The following ASIC2 variants were observed in gnomAD, a reference collection of about 807,000 sequenced individuals.
The protein encoded by ASIC2 is acid-sensing ion channel 2.
Under a neutral mutation model 57.3 loss-of-function variants are expected in ASIC2, and 25 were observed. That is an observed-to-expected ratio of 0.44 (90% CI 0.32 to 0.61). The LOEUF (loss-of-function observed/expected upper bound fraction) is 0.61. ASIC2 is among the 20% of genes least tolerant of loss of function. The pLI, the probability that ASIC2 is intolerant of heterozygous loss-of-function variation, is 0.06. For synonymous variants in ASIC2, 319 were observed against 307.5 expected (o/e 1.04, Z -0.39); for missense variants, 641 against 738.1 (o/e 0.87, Z 1.52).
At chr17:33,966,897 C>G (rs1256895292) in intron 1 of ASIC2, among the ~76,000 whole-genome samples, 1 of 152,152 alleles carries the variant, frequency 6.6e-6, no homozygotes, top group African/African-American at 2.4e-5. Context: ...CCATACAGGT[C>G]TCCATGACCC....
intron 1 of ASIC2, among the ~76,000 whole-genome samples, chr17:33,143,427 C>CACTAAATAA (rs1437972951): frequency 1.3e-5 from 2 of 152,178 alleles, no homozygotes; most frequent in African/African-American, 4.8e-5. Context: ...TACTATGTGC[C>CACTAAATAA]AGGTACCATG....
At chr17:34,089,130 G>A (rs140357300) in intron 1 of ASIC2, among the ~76,000 whole-genome samples, 3 of 152,158 alleles carry the variant, frequency 2.0e-5, no homozygotes, top group African/African-American at 4.8e-5. Flanking sequence ...CTTCTGCGTC[G>A]TTCATGCTGG....
intron 1 of ASIC2, among the ~76,000 whole-genome samples, chr17:33,355,638 T>C (rs566932512): frequency 1.3e-5 from 2 of 152,336 alleles, no homozygotes; most frequent in South Asian, 2.1e-4. Flanking sequence ...TTTCCTCTGT[T>C]CCCATAACAA....
intron 1 of ASIC2, among the ~76,000 whole-genome samples, chr17:33,495,214 G>T (rs920409337): frequency 6.6e-6 from 1 of 152,156 alleles, no homozygotes; most frequent in Non-Finnish European, 1.5e-5. Context: ...GGGCTAGCTT[G>T]GTCCCTAGTT....
chr17:33,111,465 C>G (rs1353038915), intron 2 of ASIC2, among the ~76,000 whole-genome samples: 1 of 152,222 alleles, frequency 6.6e-6, no homozygotes, highest in Non-Finnish European at 1.5e-5. Context: ...GAACCCACAT[C>G]CTTTGGTATT....
chr17:34,097,920 C>T (rs555928861), intron 1 of ASIC2, among the ~76,000 whole-genome samples: 2 of 152,188 alleles, frequency 1.3e-5, no homozygotes, highest in East Asian at 3.9e-4. Context: ...GACCTTTGCT[C>T]GGCTGCCCAC....
chr17:33,778,961 T>C (rs1244104358), intron 1 of ASIC2, among the ~76,000 whole-genome samples: 1 of 152,186 alleles, frequency 6.6e-6, no homozygotes, highest in East Asian at 1.9e-4. Flanking sequence ...ATCCCCCTCC[T>C]GGCATCTTAA....
intron 1 of ASIC2, among the ~76,000 whole-genome samples, chr17:33,808,268 TTTTTTGAAAAGATGGTC>T (rs1177517755): frequency 6.6e-6 from 1 of 152,220 alleles, no homozygotes; most frequent in Non-Finnish European, 1.5e-5. Context: ...CCCAGCACCA[TTTTTTGAAAAGATGGTC>T]TTTTCTCCAT....
intron 1 of ASIC2, among the ~76,000 whole-genome samples, chr17:34,076,496 G>T (rs533318143): frequency 6.6e-6 from 1 of 151,952 alleles, no homozygotes; most frequent in Non-Finnish European, 1.5e-5. Flanking sequence ...ATAGTTTATG[G>T]CCAGCCTCTC....
At chr17:33,386,924 G>A (rs191828618) in intron 1 of ASIC2, among the ~76,000 whole-genome samples, 4 of 152,108 alleles carry the variant, frequency 2.6e-5, no homozygotes, top group Admixed American at 6.6e-5. Flanking sequence ...TATGCTAAGC[G>A]TTTACATAAA....
At chr17:33,622,099 T>C (rs1199194651) in intron 1 of ASIC2, among the ~76,000 whole-genome samples, 4 of 151,966 alleles carry the variant, frequency 2.6e-5, no homozygotes, top group Admixed American at 1.3e-4. Flanking sequence ...ATAAATACTC[T>C]TCAGGATCCT....
At chr17:33,584,467 C>A (rs1034346615) in intron 1 of ASIC2, among the ~76,000 whole-genome samples, 42 of 152,020 alleles carry the variant, frequency 2.8e-4, no homozygotes, top group African/African-American at 7.7e-4. Context: ...AAGTTCTGGG[C>A]AAATTGGGAG....
At position 33,723,874 on chromosome 17, in the gene ASIC2, C is replaced by A. The variant is rs1224608592; in HGVS notation, c.555+432104G>T. Among the ~76,000 whole-genome samples the A allele has an allele frequency of 2.6e-5, 4 of 152,182 alleles. No individual in the cohort carries two copies. The East Asian group carries it at 7.7e-4, about 29-fold the overall frequency. On this transcript the variant is annotated intron_variant, in intron 1 of 9. Transcript: ENST00000359872. ...ATTTTAATGTGTGTAAATTGTACCT[C>A]AGTTGAAAAGAACAACAAAAATAAA...
In ASIC2 at chr17:33,767,263, G is replaced by A. The variant is rs547505767; in HGVS notation, c.555+388715C>T. Among the ~76,000 whole-genome samples the A allele has an allele frequency of 3.3e-5, 5 of 152,266 alleles. No homozygotes were observed. In the East Asian group the frequency reaches 5.8e-4, roughly 18 times the overall value. On this transcript the variant is annotated intron_variant, in intron 1 of 9. Coordinates refer to the ASIC2 transcript ENST00000359872. ...TCTCTCTTTGTGACTTTTCCAGGGC[G>A]TTCAAAAGTATATTTCCTGTGCGCT...
chr17:33,956,322 A>G (rs1231374524), intron 1 of ASIC2, among the ~76,000 whole-genome samples: 2 of 152,174 alleles, frequency 1.3e-5, no homozygotes, highest in Non-Finnish European at 2.9e-5. Context: ...GGCTGTAGCA[A>G]GGCGAGGCTA....
intron 3 of ASIC2, among the ~76,000 whole-genome samples, chr17:33,043,543 T>C (rs1210191906): frequency 1.3e-5 from 2 of 152,204 alleles, no homozygotes; most frequent in Non-Finnish European, 2.9e-5. Flanking sequence ...TCACAGACAC[T>C]GTCTTAGAAC....
At chr17:34,040,693 C>T (rs1908098581) in intron 1 of ASIC2, among the ~76,000 whole-genome samples, 1 of 152,148 alleles carries the variant, frequency 6.6e-6, no homozygotes, top group African/African-American at 2.4e-5. Flanking sequence ...GGGCCTGGAA[C>T]TGCTTCAAGG....
intron 1 of ASIC2, among the ~76,000 whole-genome samples, chr17:33,196,317 C>CGATGAT (rs142802377): frequency 6.6e-5 from 10 of 151,118 alleles, no homozygotes; most frequent in East Asian, 2.0e-4. Context: ...ATGATGATGA[C>CGATGAT]GATGATGATG....
At chr17:34,124,588 T>C (rs568816982) in intron 1 of ASIC2, among the ~76,000 whole-genome samples, 123 of 152,268 alleles carry the variant, frequency 8.1e-4, no homozygotes, top group Non-Finnish European at 1.3e-3. Context: ...ACAGACTAGG[T>C]GGCTTAAGGA....
Sources: gnomAD v4.1 joint callset for allele counts (sites outside exome capture counted in the v4.1 genomes callset) on GRCh38, gnomAD v4.1.1 for gene constraint, MANE v1.5 for transcripts, NCBI Gene and HGNC (gene_info 2026-07-23, HGNC 2026-07-21) for gene names.